Variants in KRT5 observed in about 807,000 individuals in gnomAD.
KRT5 encodes the protein keratin, type II cytoskeletal 5.
Under a neutral mutation model 44.0 loss-of-function variants are expected in KRT5, and 17 were observed. The ratio of observed to expected loss-of-function variants is 0.39; its 90% CI spans 0.26 to 0.58. The LOEUF (loss-of-function observed/expected upper bound fraction) is 0.58. KRT5 is among the 20% of genes least tolerant of loss of function. The pLI, the probability that KRT5 is intolerant of heterozygous loss-of-function variation, is 0.61. For synonymous variants in KRT5, 329 were observed against 312.8 expected, an observed-to-expected ratio of 1.05 and a Z score of -0.55; for missense variants, 737 against 785.5, an observed-to-expected ratio of 0.94 and a Z score of 0.74.
Position 52,517,978 on chromosome 12 carries a change from G to A in KRT5, c.846C>T (p.Ala282=). The A allele has an allele frequency of 6.2e-7, 1 of 1,614,044 alleles. No individual in the cohort carries two copies. The highest frequency in any genetic ancestry group is 8.5e-7 in the Non-Finnish European group (1 of 1,179,906). The change falls in exon 4 of 9, where the codon GCC becomes GCT. Residue 282 remains alanine (A), a synonymous_variant. Transcript: ENST00000252242. ...CCTCCAGCTCCACCTTGTTCATGTA[G>A]GCAGCATCTACATCCTGGGGAAACA... ...FVMLKKDVDA[A]YMNKVELEAK... is the part of the protein sequence containing the mutation.
chr12:52,519,790 G>T lies in KRT5; in HGVS notation c.507C>A (p.Arg169=), dbSNP rs200658792. 6.2e-7 allele frequency: 1 copy of T among 1,613,962 alleles called. No individual in the cohort carries two copies. The highest frequency in any genetic ancestry group is 1.1e-5 in the South Asian group (1 of 91,058). Residue 169 remains arginine, a synonymous_variant, in exon 1 of 9, where the codon CGC becomes CGA. Transcript: ENST00000252242. Reference sequence around the variant, plus strand: ...TATTGTTGAGGGTCTTGATCTGCTCGCGCTCCTCGGTCCTCACCCTCTGGA... The same window carrying T: ...TATTGTTGAGGGTCTTGATCTGCTCTCGCTCCTCGGTCCTCACCCTCTGGA... The part of the protein sequence containing the change: ...PSIQRVRTEE[R]EQIKTLNNKF...
intron 3 of KRT5, 52 bp downstream of exon 3, chr12:52,518,051 A>G: frequency 6.2e-7 from 1 of 1,611,568 alleles, no homozygotes; most frequent in South Asian, 1.1e-5. Flanking sequence ...AGTGAGCTCC[A>G]CGCTTAGAGA....
chr12:52,516,134 G>T (rs1015499543), intron 7 of KRT5: 44 of 520,214 alleles, frequency 8.5e-5, no homozygotes, highest in Non-Finnish European at 1.4e-4. Context: ...TGCCTTGTAG[G>T]AGTTACATTC....
Position 52,519,001 on chromosome 12 carries a change from G to T in KRT5, c.715C>A (p.Arg239Ser). 1 of 1,614,098 alleles carries T rather than the reference G, an allele frequency of 6.2e-7. No individual in the cohort carries two copies. The highest frequency in any genetic ancestry group is 1.1e-5 in the South Asian group (1 of 91,072). Residue 239 changes from arginine (R) to serine (S), a missense_variant, in exon 2 of 9, where the codon CGC becomes AGC. This residue lies in a region of KRT5 where 326 missense variants were observed against 333.1 expected (regional missense o/e 0.98). Coordinates refer to ENST00000252242, the MANE Select transcript of KRT5 (RefSeq NM_000424.4). ...QLDSIVGERG[R>S]LDSELRNMQD... ...ATGTTTCTCAGCTCTGAGTCCAGGC[G>T]GCCCCGTTCCCCCACGATGCTGTCC...
intron 4 of KRT5, 68 bp downstream of exon 4, chr12:52,517,825 TTCAC>T: frequency 1.2e-6 from 2 of 1,610,510 alleles, no homozygotes; most frequent in Non-Finnish European, 1.7e-6. Flanking sequence ...ATTCAAATCT[TTCAC>T]TCATTGTGAT....
At chr12:52,518,621 A>G in intron 2 of KRT5, 3 of 560,616 alleles carry the variant, frequency 5.4e-6, no homozygotes, top group Non-Finnish European at 9.7e-6. Flanking sequence ...AGACAAATCT[A>G]TCCAAAGGCC....
At position 52,520,194 on chromosome 12, in the gene KRT5, C is replaced by T. The variant is rs374017172; in HGVS notation, c.103G>A (p.Val35Met). 32 of 1,614,044 alleles carry T rather than the reference C, an allele frequency of 2.0e-5. No homozygotes were observed. Among genetic ancestry groups the T allele is most frequent in the Middle Eastern group, 3.3e-4 (2 of 6,062 alleles). The change falls in exon 1 of 9, where the codon GTG (valine) becomes ATG (methionine). Residue 35 changes from valine to methionine, a missense_variant. Transcript: ENST00000252242. ...PSVSRTSFTS[V>M]SRSGGGGGGG... Reference sequence around the variant, plus strand: ...CCACCGCCACCCCCGGACCGGGACACGGAGGTGAAGCTGGTGCGGGAGACA... The same window carrying T: ...CCACCGCCACCCCCGGACCGGGACATGGAGGTGAAGCTGGTGCGGGAGACA...
chr12:52,515,937 A>G, intron 7 of KRT5, 105 bp from the exon 8 acceptor site: 1 of 981,328 alleles, frequency 1.0e-6, no homozygotes, highest in South Asian at 1.3e-5. Flanking sequence ...TCCATAAGCC[A>G]GGAGTCTGTA....
intron 7 of KRT5, chr12:52,516,045 T>A (rs1385904031): frequency 5.0e-6 from 3 of 605,364 alleles, no homozygotes; most frequent in Non-Finnish European, 8.8e-6. Context: ...AGGAAAGAAT[T>A]ATAATTCACA....
intron 8 of KRT5, chr12:52,515,565 C>G (rs1592193175): frequency 1.6e-6 from 1 of 633,624 alleles, no homozygotes; most frequent in East Asian, 2.7e-5. Flanking sequence ...GGGACAGGGT[C>G]CAAGAAGCAT....
rs776895650 is a variant in KRT5 at position 52,520,239 on chromosome 12, C to T, written c.58G>A (p.Ala20Thr). 41 of 1,613,822 alleles carry T rather than the reference C, an allele frequency of 2.5e-5. No homozygotes were observed. The highest frequency in any genetic ancestry group is 1.6e-4 in the Middle Eastern group (1 of 6,072). The change falls in exon 1 of 9, where the codon GCC becomes ACC. Residue 20 changes from alanine to threonine, a missense_variant. By Grantham distance (58) the Ala-to-Thr change is moderately conservative. Coordinates refer to ENST00000252242, the MANE Select transcript of KRT5 (RefSeq NM_000424.4). ...GAGACAGACGGGGTGATGGCAGAGG[C>T]GGTGCTGAAGCTACGACTGCCCCCG... ...RSGGSRSFST[A>T]SAITPSVSRT...
At position 52,520,168 on chromosome 12, in the gene KRT5, A is replaced by G. The variant is rs370056255; in HGVS notation, c.129T>C (p.Gly43=). Residue 43 remains glycine (G), a synonymous_variant, in exon 1 of 9, where the codon GGT becomes GGC. Transcript: ENST00000252242. ...CAAGGCTGACCCTGCCGAAGCCACC[A>G]CCACCGCCACCCCCGGACCGGGACA... is the stretch of plus-strand genomic sequence containing the variant. The part of the protein sequence containing the change: ...TSVSRSGGGG[G]GGFGRVSLAG... 2 of 1,613,764 alleles carry G rather than the reference A, an allele frequency of 1.2e-6. No individual in the cohort carries two copies. Among genetic ancestry groups the G allele is most frequent in the Non-Finnish European group, 1.7e-6 (2 of 1,179,784 alleles).
rs1938601226 is a variant in KRT5 at position 52,515,814 on chromosome 12, A to G, written c.1458T>C (p.Val486=). ...GEECRLSGEG[V]GPVNISVVTS... is the part of the protein sequence containing the mutation. The stretch of plus-strand genomic sequence containing the variant: ...GCTACTTACAGATGTTGACTGGTCC[A>G]ACTCCTTCTCCACTGAGTCTGAAAG... The change falls in exon 8 of 9, where the codon GTT becomes GTC. Residue 486 remains valine (V), a synonymous_variant. Transcript: ENST00000252242. 8 of 1,613,300 alleles carry G rather than the reference A, an allele frequency of 5.0e-6. No individual in the cohort carries two copies. The highest frequency in any genetic ancestry group is 5.9e-6 in the Non-Finnish European group (7 of 1,179,316).
chr12:52,518,873 GACTAGTAACAAAGCCCATCTGGT>G, intron 2 of KRT5, 50 bp downstream of exon 2: 2 of 1,566,052 alleles, frequency 1.3e-6, no homozygotes, highest in Admixed American at 3.3e-5. Context: ...CATGGTAGTA[GACTAGTAACAAAGCCCATCTGGT>G]ACCAAGAAGA....
rs767744479 is a variant in KRT5 at position 52,515,035 on chromosome 12, C to G, written c.1680G>C (p.Gly560=). ...CGCCACTGCCAAAGCCCACCCCCAG[C>G]CCTCGGCCACTGCTTGCACTGAAGC... ...GSGFSASSGR[G]LGVGFGSGGG... Residue 560 remains glycine, a synonymous_variant, in exon 9 of 9, where the codon GGG becomes GGC. Coordinates refer to ENST00000252242, the MANE Select transcript of KRT5 (RefSeq NM_000424.4). The G allele has an allele frequency of 1.9e-6, 3 of 1,612,210 alleles. No homozygotes were observed. In the South Asian group the frequency reaches 3.3e-5, roughly 18 times the overall value.
intron 8 of KRT5, 110 bp from the exon 9 acceptor site, chr12:52,515,350 G>A: frequency 6.7e-7 from 1 of 1,488,936 alleles, no homozygotes; most frequent in Non-Finnish European, 9.3e-7. Context: ...CCCCTTTACA[G>A]AGTAGCAAAC....
chr12:52,515,189 C>T lies in KRT5; in HGVS notation c.1526G>A (p.Gly509Asp), dbSNP rs1171141730. 3 of 1,611,862 alleles carry T rather than the reference C, an allele frequency of 1.9e-6. No individual in the cohort carries two copies. Among genetic ancestry groups the T allele is most frequent in the East Asian group, 2.2e-5 (1 of 44,874 alleles). ...SSGYGSGSGYGGGLGGGLGGG... is the reference protein window; with the variant it reads ...SSGYGSGSGYDGGLGGGLGGG... ...GCCAAGACCTCCACCGAGGCCACCGCCATAGCCACTGCCACTGCCATATCC... is the reference window on the plus strand; with the variant it reads ...GCCAAGACCTCCACCGAGGCCACCGTCATAGCCACTGCCACTGCCATATCC... Residue 509 changes from glycine (G) to aspartate (D), a missense_variant, in exon 9 of 9, where the codon GGC (glycine) becomes GAC (aspartate). This residue lies in a region of KRT5 where 344 missense variants were observed against 351.6 expected (regional missense o/e 0.98). Transcript: ENST00000252242.
intron 2 of KRT5, 137 bp downstream of exon 2, chr12:52,518,809 T>C (rs1938660364): frequency 9.5e-7 from 1 of 1,054,050 alleles, no homozygotes; most frequent in African/African-American, 1.6e-5. Context: ...TGTTTGTTTG[T>C]TTTAGTACTG....
Position 52,515,241 on chromosome 12 carries a change from C to T in KRT5, c.1475-1G>A, listed in dbSNP as rs113976829. On this transcript the variant is annotated splice_acceptor_variant, in intron 8 of 8. Coordinates refer to ENST00000252242, the MANE Select transcript of KRT5 (RefSeq NM_000424.4). LOFTEE classifies it high-confidence loss of function. Reference sequence around the variant, plus strand: ...GAGGAAACACTGCTTGTGACAACAGCTGCAGGGAAAGGAGGGAGGACTCAG... The same window carrying T: ...GAGGAAACACTGCTTGTGACAACAGTTGCAGGGAAAGGAGGGAGGACTCAG... 1 of 1,605,866 alleles carries T rather than the reference C, an allele frequency of 6.2e-7. No homozygotes were observed. Among genetic ancestry groups the T allele is most frequent in the African/African-American group, 1.3e-5 (1 of 74,890 alleles).
Sources: allele counts gnomAD v4.1 joint callset, GRCh38; gene constraint gnomAD v4.1.1; regional missense constraint gnomAD v4.1.1; transcripts MANE v1.5; gene names NCBI Gene and HGNC (gene_info 2026-07-23, HGNC 2026-07-21).